The following COL9A3 variants were observed in gnomAD, a reference collection of about 807,000 sequenced individuals.
COL9A3 encodes the protein collagen alpha-3(IX) chain.
COL9A3 carries 82 observed loss-of-function variants against 110.2 expected under a neutral mutation model. The observed-to-expected ratio is 0.74, with a 90% CI of 0.62 to 0.89. The LOEUF is 0.89. Ranked by LOEUF, COL9A3 falls within the 40% of genes least tolerant of loss-of-function variation. The pLI is 0.00. For missense variants in COL9A3, 1,066 were observed against 981.3 expected (o/e 1.09, Z -1.15); for synonymous variants, 494 against 403.8 (o/e 1.22, Z -2.68).
intron 11 of COL9A3, 133 bp from the exon 12 acceptor site, chr20:62,824,835 C>T (rs2063537632): frequency 2.0e-6 from 2 of 996,298 alleles, no homozygotes; most frequent in East Asian, 2.6e-5. Context: ...CCATGAGGGC[C>T]CAGACCCGCG....
chr20:62,829,614 TC>T lies in COL9A3; in HGVS notation c.1054-12del, dbSNP rs1307729722. 6.2e-7 allele frequency: 1 copy of T among 1,609,902 alleles called. No homozygotes were observed. Among genetic ancestry groups the T allele is most frequent in the South Asian group, 1.1e-5 (1 of 90,598 alleles). On this transcript the variant is annotated splice_polypyrimidine_tract_variant and intron_variant, in intron 20 of 31. Transcript: ENST00000649368. The stretch of plus-strand genomic sequence containing the variant: ...AGGTGTAGGCAGGCACTCACAGCTC[TC>T]CTTCCTCTACAGGGCAGAGCTGGGG...
At chr20:62,819,369 G>A in intron 4 of COL9A3, 76 bp downstream of exon 4, 3 of 1,406,398 alleles carry the variant, frequency 2.1e-6, no homozygotes, top group Non-Finnish European at 3.0e-6. Flanking sequence ...CCTAATTGCT[G>A]TTGTCCAGCT....
Position 62,826,768 on chromosome 20 carries a change from G to T in COL9A3, c.740G>T (p.Gly247Val), listed in dbSNP as rs1453536014. Residue 247 changes from glycine to valine, a missense_variant and splice_region_variant, in exon 15 of 32, where the codon GGT (glycine) becomes GTT (valine). Physicochemically the swap from Gly to Val is moderately radical, Grantham distance 109. Coordinates refer to ENST00000649368, the MANE Select transcript of COL9A3 (RefSeq NM_001853.4). The part of the protein sequence containing the change: ...PGPLGPPGDR[G>V]PIGFRGPPGI... ...CCGGATCCCCTCTCTCCTCTGCAGGGTCCCATTGGGTTCCGAGGGCCGCCT... is the reference window on the plus strand; with the variant it reads ...CCGGATCCCCTCTCTCCTCTGCAGGTTCCCATTGGGTTCCGAGGGCCGCCT... 6.2e-7 allele frequency: 1 copy of T among 1,612,728 alleles called. No homozygotes were observed. Among genetic ancestry groups the T allele is most frequent in the Non-Finnish European group, 8.5e-7 (1 of 1,179,932 alleles).
intron 10 of COL9A3, 84 bp from the exon 11 acceptor site, chr20:62,824,361 T>C (rs1017454564): frequency 1.4e-6 from 2 of 1,431,208 alleles, no homozygotes; most frequent in Non-Finnish European, 9.6e-7. Context: ...AGTGGCCTCC[T>C]GGGGTCCCGC....
chr20:62,830,212 C>G (rs2063584656), intron 22 of COL9A3, 148 bp from the exon 23 acceptor site: 2 of 942,180 alleles, frequency 2.1e-6, no homozygotes, highest in East Asian at 5.2e-5. Flanking sequence ...GGTAGCCCTG[C>G]CTTTGTCCCC....
rs2063517529 is a variant in COL9A3 at position 62,822,111 on chromosome 20, G to A, written c.424G>A (p.Gly142Arg). 1 of 1,558,104 alleles carries A rather than the reference G, an allele frequency of 6.4e-7. No individual in the cohort carries two copies. Among genetic ancestry groups the A allele is most frequent in the Non-Finnish European group, 8.9e-7 (1 of 1,129,880 alleles). The change falls in exon 9 of 32, where the codon GGA becomes AGA. Residue 142 changes from glycine (G) to arginine (R), a missense_variant and splice_region_variant. Coordinates refer to ENST00000649368, the MANE Select transcript of COL9A3 (RefSeq NM_001853.4). Reference sequence around the variant, plus strand: ...TGTCTAAGTCATACCCCCTCCCCAGGGACCTTCTGGACTCCCCGGCCTCCC... The same window carrying A: ...TGTCTAAGTCATACCCCCTCCCCAGAGACCTTCTGGACTCCCCGGCCTCCC... ...PGGIGLRGPP[G>R]PSGLPGLPGP... is the part of the protein sequence containing the mutation.
At chr20:62,830,247 A>AC in intron 22 of COL9A3, 113 bp from the exon 23 acceptor site, 1 of 1,277,630 alleles carries the variant, frequency 7.8e-7, no homozygotes. Context: ...GTGGCTTAGA[A>AC]CCGGCTCCTG....
intron 23 of COL9A3, 40 bp from the exon 24 acceptor site, chr20:62,830,477 C>T: frequency 6.3e-7 from 1 of 1,598,644 alleles, no homozygotes; most frequent in Non-Finnish European, 8.5e-7. Context: ...CCAGACCCGA[C>T]AGGGTATGGG....
chr20:62,825,658 G>C (rs1430155767), intron 12 of COL9A3, 159 bp from the exon 13 acceptor site: 1 of 762,200 alleles, frequency 1.3e-6, no homozygotes, highest in Non-Finnish European at 2.3e-6. Context: ...GACTGCTCTG[G>C]AACTGTGGGC....
chr20:62,832,297 A>AGC (rs1403375279), intron 25 of COL9A3, 108 bp downstream of exon 25: 36 of 1,123,598 alleles, frequency 3.2e-5, no homozygotes, highest in Non-Finnish European at 4.4e-5. Flanking sequence ...CGGGACACTG[A>AGC]GCCTCCTTTC....
intron 22 of COL9A3, among the ~76,000 whole-genome samples, chr20:62,830,103 G>C (rs923853970): frequency 6.6e-5 from 10 of 152,124 alleles, no homozygotes; most frequent in East Asian, 1.9e-4. Context: ...GGGCCCTGGT[G>C]GGGGGAGCCA....
At chr20:62,839,867 C>T (rs967569353) in intron 31 of COL9A3, among the ~76,000 whole-genome samples, 13 of 152,066 alleles carry the variant, frequency 8.5e-5, no homozygotes, top group Non-Finnish European at 1.8e-4. Context: ...CTCCCCTCCA[C>T]GCACACACAC....
At position 62,830,391 on chromosome 20, in the gene COL9A3, C is replaced by A. The variant is rs2063586072; in HGVS notation, c.1193C>A (p.Ala398Asp). 1.3e-6 allele frequency: 2 copies of A among 1,571,840 alleles called. No individual in the cohort carries two copies. The highest frequency in any genetic ancestry group is 1.9e-5 in the Admixed American group (1 of 53,986). Reference protein sequence around the residue: ...GALGPQGPPGAPGVRGFQGQK... With the variant: ...GALGPQGPPGDPGVRGFQGQK... Reference sequence around the variant, plus strand: ...CTCGGCCCACAAGGCCCTCCCGGAGCCCCTGGTGTCCGAGGCTTCCAGGTG... The same window carrying A: ...CTCGGCCCACAAGGCCCTCCCGGAGACCCTGGTGTCCGAGGCTTCCAGGTG... The change falls in exon 23 of 32, where the codon GCC (alanine) becomes GAC (aspartate). Residue 398 changes from alanine (A) to aspartate (D), a missense_variant. Coordinates refer to ENST00000649368, the MANE Select transcript of COL9A3 (RefSeq NM_001853.4).
intron 14 of COL9A3, 113 bp from the exon 15 acceptor site, chr20:62,826,654 G>A (rs1170605287): frequency 8.7e-7 from 1 of 1,144,994 alleles, no homozygotes; most frequent in Non-Finnish European, 1.3e-6. Flanking sequence ...GGAACTTGCT[G>A]GGGAGCCCTA....
intron 17 of COL9A3, among the ~76,000 whole-genome samples, chr20:62,828,340 G>A (rs1194171692): frequency 2.6e-5 from 4 of 152,196 alleles, no homozygotes; most frequent in South Asian, 2.1e-4. Context: ...CTAGCCCCTC[G>A]TGTTGCCTCT....
chr20:62,840,901 G>T lies in COL9A3; in HGVS notation c.*169G>T. On this transcript the variant is annotated 3_prime_UTR_variant, in exon 32 of 32. Transcript: ENST00000649368. ...TGCCAGCGAGCACCCTCATCGGGCT[G>T]TCGCCTGACAGCATACCTCAAAAGG... 1 of 686,656 alleles carries T rather than the reference G, an allele frequency of 1.5e-6. No homozygotes were observed. Among genetic ancestry groups the T allele is most frequent in the Non-Finnish European group, 2.5e-6 (1 of 392,474 alleles). The allele number at this position is 686,656 out of a possible 1,614,324, so 42.5% of individuals were successfully genotyped here. A position where few individuals can be genotyped will look rare whatever the true frequency, so the allele number is the denominator to read the frequency against.
intron 1 of COL9A3, 69 bp downstream of exon 1, chr20:62,817,211 T>G: frequency 1.7e-6 from 2 of 1,149,900 alleles, no homozygotes. Context: ...AACCCGCCAC[T>G]CCGGGGTGCC....
intron 30 of COL9A3, among the ~76,000 whole-genome samples, chr20:62,837,723 C>T (rs952631283): frequency 6.6e-6 from 1 of 152,160 alleles, no homozygotes; most frequent in Non-Finnish European, 1.5e-5. Context: ...AGGAGAATCT[C>T]TTGAACCCTG....
Position 62,825,832 on chromosome 20 carries a change from C to G in COL9A3, c.646C>G (p.Pro216Ala), listed in dbSNP as rs747639454. ...TCTGTTTCAGGGTGACCCTGGCCCC[C>G]CTGGGCCCGCCGGCCTCCCGGGCAG... Reference protein sequence around the residue: ...KDGEKGDPGPPGPAGLPGSVG... With the variant: ...KDGEKGDPGPAGPAGLPGSVG... The change falls in exon 13 of 32, where the codon CCT becomes GCT. Residue 216 changes from proline to alanine, a missense_variant. Physicochemically the swap from Pro to Ala is conservative, Grantham distance 27 (BLOSUM62 -1). Coordinates refer to ENST00000649368, the MANE Select transcript of COL9A3 (RefSeq NM_001853.4). 4.5e-6 allele frequency: 7 copies of G among 1,555,488 alleles called. No individual in the cohort carries two copies. Among genetic ancestry groups the G allele is most frequent in the Middle Eastern group, 1.7e-4 (1 of 5,970 alleles).
Sources: allele counts gnomAD v4.1 joint callset (sites outside exome capture counted in the v4.1 genomes callset), GRCh38; gene constraint gnomAD v4.1.1; transcripts MANE v1.5; gene names NCBI Gene and HGNC (gene_info 2026-07-23, HGNC 2026-07-21).